HIP1: variants seen among roughly 807,000 people sequenced by gnomAD.
The protein encoded by HIP1 is huntingtin-interacting protein 1.
Under a neutral mutation model 147.6 loss-of-function variants are expected in HIP1, and 65 were observed. That is an observed-to-expected ratio of 0.44 (90% CI 0.36 to 0.54). The LOEUF (loss-of-function observed/expected upper bound fraction) is 0.54. Among genes scored for constraint, HIP1 ranks in the 20% least tolerant of loss-of-function variants. The pLI, the probability that HIP1 is intolerant of heterozygous loss-of-function variation, is 0.00. For missense variants in HIP1, 1,061 were observed against 1,299.6 expected (o/e 0.82, Z 2.82); for synonymous variants, 479 against 504.0 (o/e 0.95, Z 0.67).
intron 1 of HIP1, among the ~76,000 whole-genome samples, chr7:75,729,133 C>T (rs1801749087): frequency 1.4e-5 from 2 of 140,356 alleles, no homozygotes; most frequent in African/African-American, 5.3e-5. Context: ...AAAATTCTAA[C>T]AAGTGAATAA....
chr7:75,595,322 CCTCT>C (rs1397885869), intron 2 of HIP1, among the ~76,000 whole-genome samples: 1 of 146,680 alleles, frequency 6.8e-6, no homozygotes, highest in Non-Finnish European at 1.5e-5. Flanking sequence ...TCCTTCCCTC[CCTCT>C]CTCTCTCGTT....
Position 75,554,491 on chromosome 7 carries a change from A to C in HIP1, c.1999T>G (p.Cys667Gly). The change falls in exon 20 of 31, where the codon TGC becomes GGC. Residue 667 changes from cysteine to glycine, a missense_variant. This residue lies in a region of HIP1 where 810 missense variants were observed against 946.8 expected (regional missense o/e 0.86). Coordinates refer to ENST00000336926, the MANE Select transcript of HIP1 (RefSeq NM_005338.7). ...CAGCTTTTCTCCAGTTGCTCGATGC[A>C]GCTGGAAATGGATGTGACCGTGGAG... is the stretch of plus-strand genomic sequence containing the variant. ...LLSTVTSISS[C>G]IEQLEKSWSQ... 3 of 1,613,954 alleles carry C rather than the reference A, an allele frequency of 1.9e-6. No homozygotes were observed. The highest frequency in any genetic ancestry group is 2.5e-6 in the Non-Finnish European group (3 of 1,179,942).
chr7:75,556,236 G>A (rs1795001840), intron 17 of HIP1, 67 bp from the exon 18 acceptor site: 2 of 1,561,096 alleles, frequency 1.3e-6, no homozygotes, highest in Non-Finnish European at 1.7e-6. Context: ...CTTCCCAGAG[G>A]TCCAACCCAC....
chr7:75,654,234 A>AG (rs1799079509), intron 1 of HIP1, among the ~76,000 whole-genome samples: 1 of 152,042 alleles, frequency 6.6e-6, no homozygotes, highest in Admixed American at 6.6e-5. Context: ...ATCTCTACTA[A>AG]AAATACAAAA....
chr7:75,556,609 CAGGG>C (rs1422967234), intron 17 of HIP1, 97 bp downstream of exon 17: 3 of 757,802 alleles, frequency 4.0e-6, no homozygotes, highest in Non-Finnish European at 6.9e-6. Context: ...CACCTGAGCC[CAGGG>C]AGGTGGAGGC....
In HIP1 at chr7:75,596,441, C is replaced by T. The variant is rs141674319; in HGVS notation, c.184+2743G>A. Among the ~76,000 whole-genome samples the T allele has an allele frequency of 3.8e-3, 580 of 152,214 alleles. 3 individuals carry two copies. The highest frequency in any genetic ancestry group is 0.013 in the African/African-American group (554 of 41,530). On this transcript the variant is annotated intron_variant, in intron 2 of 30. Transcript: ENST00000336926. ...TGCTCTTGTTGCCCAGGCTGGAGTA[C>T]AGTGGTACGATCTCGGCTCACTGCA...
rs782193137 is a variant in HIP1, at chr7:75,556,787, C to T, written c.1606G>A (p.Glu536Lys). Residue 536 changes from glutamate to lysine, a missense_variant, in exon 17 of 31, where the codon GAG becomes AAG. Around this residue, in one of 3 missense-constraint regions of HIP1, gnomAD observed 810 missense variants for 946.8 expected, o/e 0.86. Coordinates refer to ENST00000336926, the MANE Select transcript of HIP1 (RefSeq NM_005338.7). Reference protein sequence around the residue: ...RKTQEQLEVLESLKQELATSQ... With the variant: ...RKTQEQLEVLKSLKQELATSQ... Reference sequence around the variant, plus strand: ...GTGGCAAGTTCCTGCTTCAAGCTCTCTAGAACTTCCAGCTGTTCTTGAGTC... The same window carrying T: ...GTGGCAAGTTCCTGCTTCAAGCTCTTTAGAACTTCCAGCTGTTCTTGAGTC... The T allele has an allele frequency of 2.4e-5, 38 of 1,612,538 alleles. No homozygotes were observed. The highest frequency in any genetic ancestry group is 1.0e-4 in the Admixed American group (6 of 59,992).
chr7:75,689,984 C>T (rs922277521), intron 1 of HIP1, among the ~76,000 whole-genome samples: 1 of 152,012 alleles, frequency 6.6e-6, no homozygotes, highest in East Asian at 1.9e-4. Flanking sequence ...ATTTTTTTTC[C>T]GAAAGAGGGT....
intron 1 of HIP1, among the ~76,000 whole-genome samples, chr7:75,612,252 G>A (rs1318067779): frequency 1.3e-5 from 2 of 152,192 alleles, no homozygotes; most frequent in African/African-American, 4.8e-5. Context: ...GGCTCCACCT[G>A]TAATCCCAGC....
At chr7:75,563,905 T>G (rs1795317819) in intron 9 of HIP1, among the ~76,000 whole-genome samples, 1 of 152,168 alleles carries the variant, frequency 6.6e-6, no homozygotes, top group African/African-American at 2.4e-5. Context: ...TCTCTCTCTT[T>G]TTGTAGAGGC....
chr7:75,632,018 G>C (rs1200366675), intron 1 of HIP1, among the ~76,000 whole-genome samples: 2 of 152,166 alleles, frequency 1.3e-5, no homozygotes, highest in Admixed American at 6.6e-5. Flanking sequence ...CTTAGCCCCT[G>C]ACCAGAAGTG....
intron 1 of HIP1, among the ~76,000 whole-genome samples, chr7:75,681,504 T>G (rs2285871): frequency 0.011 from 134 of 12,212 alleles, no homozygotes; most frequent in African/African-American, 0.023. Flanking sequence ...CTGCTTTTTT[T>G]TTTTTTTTTT....
At chr7:75,633,919 A>C (rs970736315) in intron 1 of HIP1, among the ~76,000 whole-genome samples, 1 of 152,104 alleles carries the variant, frequency 6.6e-6, no homozygotes, top group Non-Finnish European at 1.5e-5. Flanking sequence ...TTGAGGAAGC[A>C]GTGAGATTCA....
chr7:75,657,555 T>TA (rs539682906), intron 1 of HIP1, among the ~76,000 whole-genome samples: 87 of 150,500 alleles, frequency 5.8e-4, no homozygotes, highest in South Asian at 2.7e-3. Flanking sequence ...CAATTAAATT[T>TA]AAAAAAAAGA....
chr7:75,582,813 C>CA (rs1307026719), intron 5 of HIP1, among the ~76,000 whole-genome samples: 9 of 151,034 alleles, frequency 6.0e-5, no homozygotes, highest in East Asian at 1.9e-4. Flanking sequence ...TCCCCCACCG[C>CA]AAAAAAAAGA....
chr7:75,641,127 G>A (rs1308806468), intron 1 of HIP1, among the ~76,000 whole-genome samples: 7 of 151,978 alleles, frequency 4.6e-5, no homozygotes, highest in African/African-American at 1.2e-4. Flanking sequence ...GCAACATGGC[G>A]AAACCCCGTC....
chr7:75,666,244 T>C (rs561227371), intron 1 of HIP1, among the ~76,000 whole-genome samples: 113 of 151,546 alleles, frequency 7.5e-4, no homozygotes, highest in African/African-American at 2.6e-3. Flanking sequence ...TCTCGGCTCA[T>C]TGCAACCTCT....
At chr7:75,581,824 G>A (rs587659679) in intron 6 of HIP1, among the ~76,000 whole-genome samples, 1 of 152,148 alleles carries the variant, frequency 6.6e-6, no homozygotes, top group South Asian at 2.1e-4. Context: ...GGAGAGGATA[G>A]GTACCAGTGT....
intron 16 of HIP1, among the ~76,000 whole-genome samples, chr7:75,557,362 G>A (rs759434769): frequency 6.6e-6 from 1 of 150,898 alleles, no homozygotes; most frequent in Non-Finnish European, 1.5e-5. Context: ...AAAAAAAAAC[G>A]CTCATCCCTC....
Sources: gnomAD v4.1 joint callset for allele counts (sites outside exome capture counted in the v4.1 genomes callset) on GRCh38, gnomAD v4.1.1 for gene constraint, gnomAD v4.1.1 regional missense constraint, MANE v1.5 for transcripts, NCBI Gene and HGNC (gene_info 2026-07-23, HGNC 2026-07-21) for gene names.